The following NAV3 variants were observed in gnomAD, a reference collection of about 807,000 sequenced individuals.
NAV3 encodes the protein pore membrane and/or filament interacting like protein 1.
A neutral mutation model predicts 244.7 loss-of-function variants in NAV3; 87 were observed. That is an observed-to-expected ratio of 0.36 (90% CI 0.30 to 0.42). The LOEUF (loss-of-function observed/expected upper bound fraction) is 0.42. Ranked by LOEUF, NAV3 falls within the 20% of genes least tolerant of loss-of-function variation. The probability of loss-of-function intolerance (pLI) is 1.00; values close to 1 mark genes in which losing one functional copy is unlikely to be tolerated. For synonymous variants in NAV3, 1,126 were observed against 1,042.2 expected (o/e 1.08, Z -1.55); for missense variants, 2,663 against 2,893.3 (o/e 0.92, Z 1.83).
intron 2 of NAV3, among the ~76,000 whole-genome samples, chr12:77,762,725 TG>T (rs1456455955): frequency 0.016 from 20 of 1,282 alleles, no homozygotes; most frequent in Non-Finnish European, 0.14. Flanking sequence ...ATGGGTTTTT[TG>T]TTGTTGTTGT....
chr12:77,965,216 C>A (rs1892404953), intron 3 of NAV3, among the ~76,000 whole-genome samples: 1 of 152,184 alleles, frequency 6.6e-6, no homozygotes, highest in Admixed American at 6.5e-5. Context: ...TCTTACGAAT[C>A]TTAGCTGTGT....
intron 2 of NAV3, among the ~76,000 whole-genome samples, chr12:77,691,971 G>C (rs1875054052): frequency 6.6e-6 from 1 of 151,898 alleles, no homozygotes; most frequent in Admixed American, 6.6e-5. Flanking sequence ...TAAAGGTAGA[G>C]ACTATACTTT....
rs149581178 is a variant in NAV3 at position 77,753,938 on chromosome 12, A to G, written c.72+181672A>G. Among the ~76,000 whole-genome samples, 448 of 152,300 alleles carry G rather than the reference A, an allele frequency of 2.9e-3. 2 individuals carry two copies. Among genetic ancestry groups the G allele is most frequent in the Non-Finnish European group, 3.7e-3 (252 of 68,022 alleles). On this transcript the variant is annotated intron_variant, in intron 2 of 8. Transcript: ENST00000550042. ...ATTTAAATTTCTTCACATTAATCAGACTGCTACCTTTAGTGCAATTAAATG... is the reference window on the plus strand; with the variant it reads ...ATTTAAATTTCTTCACATTAATCAGGCTGCTACCTTTAGTGCAATTAAATG...
intron 20 of NAV3, among the ~76,000 whole-genome samples, chr12:78,143,036 T>C (rs408485): frequency 0.33 from 50,699 of 151,610 alleles, 8,764 homozygotes; most frequent in East Asian, 0.48. Flanking sequence ...AGAAAATACC[T>C]ATGAAAATGC....
Position 77,587,078 on chromosome 12 carries a change from G to A in NAV3, c.72+14812G>A, listed in dbSNP as rs575763703. On this transcript the variant is annotated intron_variant, in intron 2 of 8. Transcript: ENST00000550042. ...AGTAACCAGAAGCTCCCAAACTTAA[G>A]AAGTATATACACAAGCAATGAATGA... is the stretch of plus-strand genomic sequence containing the variant. Among the ~76,000 whole-genome samples, 164 of 152,164 alleles carry A rather than the reference G, an allele frequency of 1.1e-3. 1 individual carries two copies. In the Middle Eastern group the frequency reaches 0.02, roughly 19 times the overall value.
chr12:77,745,844 A>G (rs964131643), intron 2 of NAV3, among the ~76,000 whole-genome samples: 11 of 152,042 alleles, frequency 7.2e-5, no homozygotes, highest in African/African-American at 2.4e-4. Context: ...TACACTTCCA[A>G]AATAAATGGA....
intron 2 of NAV3, among the ~76,000 whole-genome samples, chr12:77,688,755 A>G (rs2137147574): frequency 6.6e-6 from 1 of 152,050 alleles, no homozygotes; most frequent in Non-Finnish European, 1.5e-5. Context: ...AAAGACGGAT[A>G]GATAATGAAG....
intron 1 of NAV3, among the ~76,000 whole-genome samples, chr12:77,869,806 T>G (rs1393881586): frequency 1.3e-5 from 2 of 152,240 alleles, no homozygotes; most frequent in African/African-American, 4.8e-5. Flanking sequence ...TTAGACAATA[T>G]GCTTTATGCA....
intron 2 of NAV3, among the ~76,000 whole-genome samples, chr12:77,748,137 T>C (rs527522891): frequency 2.0e-5 from 3 of 152,336 alleles, no homozygotes; most frequent in East Asian, 3.9e-4. Context: ...ATGTGCTTCA[T>C]TTTGATATCA....
chr12:77,605,835 G>T (rs151043890), intron 2 of NAV3, among the ~76,000 whole-genome samples: 54 of 149,944 alleles, frequency 3.6e-4, no homozygotes, highest in Non-Finnish European at 5.6e-4. Context: ...GGGAAACTCC[G>T]TCTCAAGAAA....
intron 3 of NAV3, among the ~76,000 whole-genome samples, chr12:77,962,130 C>T (rs1172263034): frequency 1.3e-5 from 2 of 151,950 alleles, no homozygotes; most frequent in East Asian, 1.9e-4. Flanking sequence ...TCATACTTCC[C>T]GGTGGCTTTG....
Position 78,119,227 on chromosome 12 carries a change from C to T in NAV3, c.3041-10C>T, listed in dbSNP as rs2138597391. 1 of 1,604,366 alleles carries T rather than the reference C, an allele frequency of 6.2e-7. No individual in the cohort carries two copies. Among genetic ancestry groups the T allele is most frequent in the South Asian group, 1.1e-5 (1 of 90,078 alleles). On this transcript the variant is annotated splice_polypyrimidine_tract_variant and intron_variant, in intron 14 of 39. Coordinates refer to ENST00000397909, the MANE Select transcript of NAV3 (RefSeq NM_001024383.2). ...CAGGCACATATATTTGTGTATTTCTCCTTAATTAGGGAAAACCGATGATGC... is the reference window on the plus strand; with the variant it reads ...CAGGCACATATATTTGTGTATTTCTTCTTAATTAGGGAAAACCGATGATGC...
chr12:77,587,096 AT>A (rs1228952960), intron 2 of NAV3, among the ~76,000 whole-genome samples: 3 of 152,206 alleles, frequency 2.0e-5, no homozygotes, highest in Non-Finnish European at 4.4e-5. Flanking sequence ...TACACAAGCA[AT>A]GAATGAGATA....
intron 1 of NAV3, among the ~76,000 whole-genome samples, chr12:77,918,742 T>C (rs866879833): frequency 3.9e-5 from 6 of 152,030 alleles, no homozygotes; most frequent in South Asian, 4.1e-4. Flanking sequence ...TCCAGTAGGA[T>C]ATCTCAGGTT....
chr12:77,744,643 G>T (rs1253005799), intron 2 of NAV3, among the ~76,000 whole-genome samples: 1 of 151,838 alleles, frequency 6.6e-6, no homozygotes, highest in Non-Finnish European at 1.5e-5. Context: ...TTAATCAGTG[G>T]ACGCATATAT....
intron 2 of NAV3, among the ~76,000 whole-genome samples, chr12:77,742,128 TC>T (rs1346542784): frequency 6.6e-6 from 1 of 152,088 alleles, no homozygotes; most frequent in Non-Finnish European, 1.5e-5. Flanking sequence ...TGATTAGTGA[TC>T]CATTTTTCAT....
chr12:77,966,297 T>C lies in NAV3; in HGVS notation c.483T>C (p.Ala161=). 1 of 1,611,128 alleles carries C rather than the reference T, an allele frequency of 6.2e-7. No homozygotes were observed. The highest frequency in any genetic ancestry group is 8.5e-7 in the Non-Finnish European group (1 of 1,178,582). ...ARGVNVQGLS[A]EEIRNGNLKA... ...GGGTAAATGTTCAAGGTCTATCTGC[T>C]GAAGGTAAGAAAAAGAATGACTGAA... is the stretch of plus-strand genomic sequence containing the variant. The change falls in exon 4 of 40, where the codon GCT becomes GCC. Residue 161 remains alanine, a synonymous_variant. Transcript: ENST00000397909.
chr12:77,980,601 A>G (rs905343970), intron 5 of NAV3, among the ~76,000 whole-genome samples: 1 of 152,190 alleles, frequency 6.6e-6, no homozygotes, highest in Non-Finnish European at 1.5e-5. Context: ...TTTTTCTACC[A>G]GTATTCAAGT....
At chr12:77,800,422 G>C (rs1871646252) in intron 2 of NAV3, among the ~76,000 whole-genome samples, 1 of 152,156 alleles carries the variant, frequency 6.6e-6, no homozygotes, top group Non-Finnish European at 1.5e-5. Context: ...ATGGATCCTA[G>C]CGATTGTACA....
Sources: gnomAD v4.1 joint callset for allele counts (sites outside exome capture counted in the v4.1 genomes callset) on GRCh38, gnomAD v4.1.1 for gene constraint, MANE v1.5 for transcripts, NCBI Gene and HGNC (gene_info 2026-07-23, HGNC 2026-07-21) for gene names.